Variants in NLGN1 observed in about 807,000 individuals in gnomAD.
NLGN1 encodes neuroligin 1, also known as neuroligin-1.
Under a neutral mutation model 65.5 loss-of-function variants are expected in NLGN1, and 12 were observed. That is an observed-to-expected ratio of 0.18 (90% CI 0.12 to 0.30). The LOEUF is 0.30. Among genes scored for constraint, NLGN1 ranks in the 10% least tolerant of loss-of-function variants. The pLI, the probability that NLGN1 is intolerant of heterozygous loss-of-function variation, is 1.00. For synonymous variants in NLGN1, 350 were observed against 359.5 expected (o/e 0.97, Z 0.30); for missense variants, 750 against 1,007.1 (o/e 0.74, Z 3.46).
Position 174,252,255 on chromosome 3 carries a change from G to A in NLGN1, c.647-23060G>A, listed in dbSNP as rs139021562. Among the ~76,000 whole-genome samples the A allele has an allele frequency of 1.1e-4, 16 of 152,230 alleles. No individual in the cohort carries two copies. The East Asian group carries it at 2.9e-3, about 28-fold the overall frequency. On this transcript the variant is annotated intron_variant, in intron 4 of 6. Transcript: ENST00000457714. ...TAAAATAGTTAAGTGTGGATAAAATGTAGTCTGGAGGAAAGGGCAACAGAG... is the reference window on the plus strand; with the variant it reads ...TAAAATAGTTAAGTGTGGATAAAATATAGTCTGGAGGAAAGGGCAACAGAG...
chr3:173,594,902 T>C (rs181201885), intron 2 of NLGN1, among the ~76,000 whole-genome samples: 152 of 152,288 alleles, frequency 1.0e-3, no homozygotes, highest in African/African-American at 3.5e-3. Context: ...TGGCCCCTTT[T>C]AGTCACGGCT....
chr3:173,707,006 A>G (rs1030547001), intron 3 of NLGN1, among the ~76,000 whole-genome samples: 1 of 152,220 alleles, frequency 6.6e-6, no homozygotes, highest in Admixed American at 6.5e-5. Flanking sequence ...CAGAAATCTC[A>G]TATTCCTTTA....
At chr3:173,981,671 G>A (rs1718811656) in intron 4 of NLGN1, among the ~76,000 whole-genome samples, 4 of 152,036 alleles carry the variant, frequency 2.6e-5, no homozygotes, top group Admixed American at 2.6e-4. Flanking sequence ...TTTGTATATA[G>A]AGAAATATCT....
chr3:173,950,014 TAAAC>T (rs1361481014), intron 4 of NLGN1, among the ~76,000 whole-genome samples: 2 of 152,322 alleles, frequency 1.3e-5, no homozygotes, highest in African/African-American at 4.8e-5. Flanking sequence ...TACTGTGACT[TAAAC>T]AAACATTGGG....
chr3:174,212,448 T>G (rs971159716), intron 4 of NLGN1, among the ~76,000 whole-genome samples: 1 of 152,182 alleles, frequency 6.6e-6, no homozygotes, highest in Non-Finnish European at 1.5e-5. Context: ...GAAGGGCTCC[T>G]CAAATGCTGC....
chr3:173,907,032 CA>C (rs1738559263), intron 4 of NLGN1, among the ~76,000 whole-genome samples: 1 of 152,032 alleles, frequency 6.6e-6, no homozygotes, highest in South Asian at 2.1e-4. Flanking sequence ...CTGCAAGAAA[CA>C]GTTGAAGATC....
chr3:174,157,870 C>T (rs1725744517), intron 4 of NLGN1, among the ~76,000 whole-genome samples: 1 of 151,668 alleles, frequency 6.6e-6, no homozygotes, highest in Non-Finnish European at 1.5e-5. Flanking sequence ...TAAATCTCTT[C>T]CTTTCCACCC....
chr3:173,491,874 A>T (rs1468465344), intron 2 of NLGN1, among the ~76,000 whole-genome samples: 1 of 151,608 alleles, frequency 6.6e-6, no homozygotes, highest in Non-Finnish European at 1.5e-5. Context: ...GTTGCCATTA[A>T]CCCCTGAACT....
intron 4 of NLGN1, among the ~76,000 whole-genome samples, chr3:174,114,412 A>G (rs544122322): frequency 2.0e-5 from 3 of 152,302 alleles, no homozygotes; most frequent in Admixed American, 6.5e-5. Context: ...CATTATGGAT[A>G]ATCCCCAATT....
chr3:173,776,504 CTTG>C (rs1780320418), intron 3 of NLGN1, among the ~76,000 whole-genome samples: 1 of 152,014 alleles, frequency 6.6e-6, no homozygotes, highest in South Asian at 2.1e-4. Flanking sequence ...TAAGTGTCAA[CTTG>C]TTGTGGTGTT....
chr3:173,845,499 A>C (rs1366336147), intron 4 of NLGN1, among the ~76,000 whole-genome samples: 2 of 152,158 alleles, frequency 1.3e-5, no homozygotes, highest in East Asian at 3.9e-4. Context: ...TGGCGAAATA[A>C]TTTAATATTT....
chr3:173,697,902 A>C (rs1578003652), intron 3 of NLGN1, among the ~76,000 whole-genome samples: 1 of 152,154 alleles, frequency 6.6e-6, no homozygotes, highest in African/African-American at 2.4e-5. Context: ...CTCTGTGATT[A>C]GAGGGTAAAT....
intron 4 of NLGN1, among the ~76,000 whole-genome samples, chr3:174,205,702 G>GAAAAT (rs1652379739): frequency 6.6e-6 from 1 of 152,074 alleles, no homozygotes; most frequent in Admixed American, 6.6e-5. Flanking sequence ...TATCTGAAAA[G>GAAAAT]GAAATACCTA....
intron 3 of NLGN1, among the ~76,000 whole-genome samples, chr3:173,689,033 C>T (rs1765083720): frequency 6.6e-6 from 1 of 152,114 alleles, no homozygotes; most frequent in Non-Finnish European, 1.5e-5. Flanking sequence ...TCATTTATGT[C>T]CTACTCTGGT....
At chr3:173,879,071 A>G (rs1732729664) in intron 4 of NLGN1, among the ~76,000 whole-genome samples, 1 of 152,008 alleles carries the variant, frequency 6.6e-6, no homozygotes, top group Non-Finnish European at 1.5e-5. Flanking sequence ...TGTCTCTACT[A>G]AAAATACAAA....
At chr3:173,661,422 G>C (rs28508420) in intron 3 of NLGN1, among the ~76,000 whole-genome samples, 9,603 of 151,942 alleles carry the variant, frequency 0.063, 1,016 homozygotes, top group African/African-American at 0.22. Context: ...CTGTACATCT[G>C]TCTGACTTCA....
intron 4 of NLGN1, among the ~76,000 whole-genome samples, chr3:174,047,053 G>C (rs1057162501): frequency 6.6e-6 from 1 of 151,868 alleles, no homozygotes. Context: ...CATTAGGTCA[G>C]AGATTGTTAC....
intron 4 of NLGN1, among the ~76,000 whole-genome samples, chr3:173,959,520 T>C (rs575393572): frequency 2.6e-5 from 4 of 152,346 alleles, no homozygotes; most frequent in South Asian, 4.1e-4. Context: ...TTTTGTTACT[T>C]ATCAAGAGAA....
intron 4 of NLGN1, among the ~76,000 whole-genome samples, chr3:174,150,288 G>C (rs1724087357): frequency 6.6e-6 from 1 of 152,050 alleles, no homozygotes; most frequent in African/African-American, 2.4e-5. Context: ...CTGTATCAAA[G>C]TTAATGTATT....
Sources: allele counts gnomAD v4.1 joint callset (sites outside exome capture counted in the v4.1 genomes callset), GRCh38; gene constraint gnomAD v4.1.1; transcripts MANE v1.5; gene names NCBI Gene and HGNC (gene_info 2026-07-23, HGNC 2026-07-21).